The following INSR variants were observed in gnomAD, a reference collection of about 807,000 sequenced individuals.
INSR encodes IR.
INSR carries 67 observed loss-of-function variants against 142.6 expected under a neutral mutation model. That is an observed-to-expected ratio of 0.47 (90% CI 0.39 to 0.58). INSR has a LOEUF of 0.58. Among genes scored for constraint, INSR ranks in the 20% least tolerant of loss-of-function variants. The probability of loss-of-function intolerance (pLI) is 0.00; values close to 1 mark genes in which losing one functional copy is unlikely to be tolerated. For synonymous variants in INSR, 756 were observed against 743.1 expected (o/e 1.02, Z -0.28); for missense variants, 1,248 against 1,833.2 (o/e 0.68, Z 5.83).
intron 2 of INSR, among the ~76,000 whole-genome samples, chr19:7,194,972 C>CA (rs1040276031): frequency 1.6e-4 from 25 of 152,054 alleles, no homozygotes; most frequent in African/African-American, 5.8e-4. Flanking sequence ...ACAAAAACCC[C>CA]ATCCCCTGTC....
At chr19:7,210,368 A>G (rs2145070996) in intron 2 of INSR, among the ~76,000 whole-genome samples, 1 of 150,932 alleles carries the variant, frequency 6.6e-6, no homozygotes, top group East Asian at 1.9e-4. Context: ...AGTAAACAAG[A>G]GTGTCTCCTC....
At chr19:7,199,588 C>T (rs1319901321) in intron 2 of INSR, among the ~76,000 whole-genome samples, 1 of 73,406 alleles carries the variant, frequency 1.4e-5, no homozygotes, top group Non-Finnish European at 2.6e-5. Context: ...TTTTTGAGAG[C>T]GGGTCTCTCT....
intron 13 of INSR, among the ~76,000 whole-genome samples, chr19:7,140,374 C>T (rs559943014): frequency 6.6e-6 from 1 of 152,214 alleles, no homozygotes; most frequent in Non-Finnish European, 1.5e-5. Flanking sequence ...CACATCCATT[C>T]ATTTACATAT....
At position 7,150,607 on chromosome 19, in the gene INSR, A is replaced by T; in HGVS notation, c.2232-75T>A. Reference sequence around the variant, plus strand: ...CAGACCACTGGGCTCTGACACTTGGAGGCCACATGTGTCCGAGTAAGGGCA... The same window carrying T: ...CAGACCACTGGGCTCTGACACTTGGTGGCCACATGTGTCCGAGTAAGGGCA... On this transcript the variant is annotated intron_variant, in intron 10 of 21. Coordinates refer to ENST00000302850, the MANE Select transcript of INSR (RefSeq NM_000208.4). The surrounding 1 kb of genome is among the most constrained non-coding windows in gnomAD (Gnocchi z 4.2). 7.0e-7 allele frequency: 1 copy of T among 1,433,754 alleles called. No individual in the cohort carries two copies. The highest frequency in any genetic ancestry group is 9.8e-7 in the Non-Finnish European group (1 of 1,018,154). The allele number at this position is 1,433,754 out of a possible 1,614,324, so 88.8% of individuals were successfully genotyped here.
rs1009262426 is a variant in INSR, at chr19:7,112,616, C to G, written c.*4440G>C. 5 of 152,192 alleles carry G rather than the reference C, an allele frequency of 3.3e-5. No homozygotes were observed. The highest frequency in any genetic ancestry group is 1.2e-4 in the African/African-American group (5 of 41,438). 9.4% of individuals were successfully genotyped at this position (152,192 alleles called of 1,614,324 possible). ...TATTTTGAGGCTCTTCCTTCCTTCT[C>G]CAATGGGACCAAGAGCCCCAGATTT... On this transcript the variant is annotated 3_prime_UTR_variant, in exon 22 of 22. Transcript: ENST00000302850.
At chr19:7,122,804 G>A (rs372754321) in intron 18 of INSR, 31 bp from the exon 19 acceptor site, 129 of 1,613,994 alleles carry the variant, frequency 8.0e-5, no homozygotes, top group Middle Eastern at 4.9e-4. Context: ...TGGTGTTTCA[G>A]CAGCACTGGG....
intron 14 of INSR, among the ~76,000 whole-genome samples, chr19:7,131,951 T>C (rs554629388): frequency 1.3e-5 from 2 of 151,390 alleles, no homozygotes; most frequent in Admixed American, 6.6e-5. Flanking sequence ...TGAGCTGAGA[T>C]TGTGCCAGTG....
intron 2 of INSR, among the ~76,000 whole-genome samples, chr19:7,221,473 C>CGAGGCGGGCGGATCACCTGAGGT (rs1164874219): frequency 3.9e-4 from 56 of 144,376 alleles, no homozygotes; most frequent in Non-Finnish European, 7.2e-4. Flanking sequence ...TTTGGGAGGC[C>CGAGGCGGGCGGATCACCTGAGGT]GAGGCGGGCG....
At chr19:7,147,766 A>G (rs1973219482) in intron 11 of INSR, among the ~76,000 whole-genome samples, 1 of 152,214 alleles carries the variant, frequency 6.6e-6, no homozygotes, top group South Asian at 2.1e-4. Flanking sequence ...GAAAATAACC[A>G]AGACGTTGGT....
intron 2 of INSR, among the ~76,000 whole-genome samples, chr19:7,256,931 C>CTTGTTTTT: frequency 9.1e-6 from 1 of 109,462 alleles, no homozygotes; most frequent in Non-Finnish European, 1.8e-5. Context: ...TCTACCCTAC[C>CTTGTTTTT]TTTTTTTTTT....
intron 12 of INSR, among the ~76,000 whole-genome samples, chr19:7,142,372 A>T (rs1359855106): frequency 5.5e-5 from 7 of 128,388 alleles, no homozygotes; most frequent in Non-Finnish European, 9.5e-5. Flanking sequence ...CCTGGGCGAC[A>T]GAGCAAGACT....
At chr19:7,178,244 G>C (rs1352889893) in intron 3 of INSR, among the ~76,000 whole-genome samples, 1 of 59,372 alleles carries the variant, frequency 1.7e-5, no homozygotes, top group Non-Finnish European at 3.0e-5. Context: ...GGTGACTTGT[G>C]GGGGGGGGGG....
At chr19:7,182,013 C>T (rs1025737559) in intron 3 of INSR, among the ~76,000 whole-genome samples, 7 of 151,882 alleles carry the variant, frequency 4.6e-5, no homozygotes, top group Non-Finnish European at 7.4e-5. Context: ...TGCCACAGTA[C>T]GATTAAGTCT....
At chr19:7,180,357 C>T (rs906929962) in intron 3 of INSR, among the ~76,000 whole-genome samples, 1 of 151,848 alleles carries the variant, frequency 6.6e-6, no homozygotes, top group Admixed American at 6.6e-5. Flanking sequence ...TAGCAAGACC[C>T]CCAACACTAC....
intron 2 of INSR, among the ~76,000 whole-genome samples, chr19:7,230,705 G>A (rs1975943326): frequency 6.6e-6 from 1 of 151,870 alleles, no homozygotes; most frequent in South Asian, 2.1e-4. Flanking sequence ...TACTTGGGAG[G>A]CTGAGGCAGG....
intron 1 of INSR, among the ~76,000 whole-genome samples, chr19:7,277,830 G>A (rs912231387): frequency 4.0e-5 from 6 of 150,588 alleles, no homozygotes; most frequent in Non-Finnish European, 5.9e-5. Flanking sequence ...GGTGGCTCAC[G>A]CCTGTAATCC....
intron 2 of INSR, among the ~76,000 whole-genome samples, chr19:7,198,836 A>G (rs978523936): frequency 6.6e-6 from 1 of 152,178 alleles, no homozygotes; most frequent in Non-Finnish European, 1.5e-5. Context: ...TTGCAGTTCC[A>G]GTAAACCAAG....
rs920662137 is a variant in INSR at position 7,113,880 on chromosome 19, G to A, written c.*3176C>T. ...ACCCTACCTTTCTCCAGGGCAGGTG[G>A]AGAAAGGTGAGTCTGCAAGGGCAGT... On this transcript the variant is annotated 3_prime_UTR_variant, in exon 22 of 22. Coordinates refer to ENST00000302850, the MANE Select transcript of INSR (RefSeq NM_000208.4). The A allele has an allele frequency of 1.3e-5, 2 of 151,980 alleles. No individual in the cohort carries two copies. Among genetic ancestry groups the A allele is most frequent in the Non-Finnish European group, 2.9e-5 (2 of 68,012 alleles). The allele number at this position is 151,980 out of a possible 1,614,324, so 9.4% of individuals were successfully genotyped here.
intron 2 of INSR, among the ~76,000 whole-genome samples, chr19:7,266,924 C>G (rs1243481337): frequency 6.6e-6 from 1 of 151,976 alleles, no homozygotes; most frequent in Non-Finnish European, 1.5e-5. Flanking sequence ...TTTAAAAAAA[C>G]CGAATCTACA....
Sources: gnomAD v4.1 joint callset for allele counts (sites outside exome capture counted in the v4.1 genomes callset) on GRCh38, gnomAD v4.1.1 for gene constraint, Gnocchi (gnomAD v3.1) non-coding constraint, MANE v1.5 for transcripts, NCBI Gene and HGNC (gene_info 2026-07-23, HGNC 2026-07-21) for gene names.